Variants in NPR2 observed in about 807,000 individuals in gnomAD.
NPR2 encodes natriuretic peptide receptor 2, also known as atrial natriuretic peptide receptor 2.
NPR2 carries 49 observed loss-of-function variants against 120.7 expected under a neutral mutation model. That is an observed-to-expected ratio of 0.41 (90% CI 0.32 to 0.52). The LOEUF (loss-of-function observed/expected upper bound fraction) is 0.52. Ranked by LOEUF, NPR2 falls within the 20% of genes least tolerant of loss-of-function variation. NPR2 has a pLI of 0.36. For missense variants in NPR2, 931 were observed against 1,362.9 expected, an observed-to-expected ratio of 0.68 and a Z score of 4.99; for synonymous variants, 484 against 519.8, an observed-to-expected ratio of 0.93 and a Z score of 0.94.
At position 35,802,379 on chromosome 9, in the gene NPR2, T is replaced by C. The variant is rs558472662; in HGVS notation, c.1710+96T>C. 4.1e-6 allele frequency: 4 copies of C among 983,912 alleles called. No individual in the cohort carries two copies. The highest frequency in any genetic ancestry group is 4.9e-6 in the Non-Finnish European group (3 of 609,304). 60.9% of individuals were successfully genotyped at this position (983,912 alleles called of 1,614,324 possible). On this transcript the variant is annotated intron_variant, in intron 10 of 21. Coordinates refer to ENST00000342694, the MANE Select transcript of NPR2 (RefSeq NM_003995.4). This position sits in a 1 kb window ranked among gnomAD's most constrained non-coding sequence, Gnocchi z 4.2. ...TGGCTAGATGGGCAAGGGGTTGATT[T>C]ATAAATGATTTTAAAATCGTAGATA...
rs1828200246 is a variant in NPR2 at position 35,802,305 on chromosome 9, C to G, written c.1710+22C>G. The G allele has an allele frequency of 9.1e-6, 13 of 1,425,666 alleles. No individual in the cohort carries two copies. The highest frequency in any genetic ancestry group is 1.3e-5 in the Non-Finnish European group (13 of 1,010,218). 88.3% of individuals were successfully genotyped at this position (1,425,666 alleles called of 1,614,324 possible). ...ACATGTATGTAACAGAGGATGGACT[C>G]TAACATGTATGTAATGGAGGAGTGG... On this transcript the variant is annotated intron_variant, in intron 10 of 21. Coordinates refer to ENST00000342694, the MANE Select transcript of NPR2 (RefSeq NM_003995.4). This position sits in a 1 kb window ranked among gnomAD's most constrained non-coding sequence, Gnocchi z 4.2.
rs1828506108 is a variant in NPR2, at chr9:35,808,053, A to G, written c.2713-456A>G. The G allele has an allele frequency of 1.3e-6, 1 of 755,816 alleles. No homozygotes were observed. The highest frequency in any genetic ancestry group is 2.1e-5 in the Admixed American group (1 of 47,960). The allele number at this position is 755,816 out of a possible 1,614,324, so 46.8% of individuals were successfully genotyped here. On this transcript the variant is annotated intron_variant, in intron 18 of 21. Coordinates refer to ENST00000342694, the MANE Select transcript of NPR2 (RefSeq NM_003995.4). This position sits in a 1 kb window ranked among gnomAD's most constrained non-coding sequence, Gnocchi z 4.0. ...AAAAACTTCACTGTGTATTTCCTTA[A>G]AACAATGGCATTTATTCTCTTACAT...
In NPR2 at chr9:35,800,296, G is replaced by A. The variant is rs1339167883; in HGVS notation, c.1124-93G>A. ...AGAGTTGCCCACACCTCAAGATCGG[G>A]GAAGGGTAGACTCTGAGGGAGCCGT... is the stretch of plus-strand genomic sequence containing the variant. On this transcript the variant is annotated intron_variant, in intron 4 of 21. Transcript: ENST00000342694. This position sits in a 1 kb window ranked among gnomAD's most constrained non-coding sequence, Gnocchi z 4.7. 1 of 1,424,508 alleles carries A rather than the reference G, an allele frequency of 7.0e-7. No homozygotes were observed. Among genetic ancestry groups the A allele is most frequent in the East Asian group, 2.3e-5 (1 of 44,068 alleles). The allele number at this position is 1,424,508 out of a possible 1,614,324, so 88.2% of individuals were successfully genotyped here. A position where few individuals can be genotyped will look rare whatever the true frequency, so the allele number is the denominator to read the frequency against.
At chr9:35,793,809 G>A in intron 1 of NPR2, 89 bp from the exon 2 acceptor site, 2 of 1,311,932 alleles carry the variant, frequency 1.5e-6, no homozygotes, top group East Asian at 2.3e-5. Context: ...TCTTGCTGAA[G>A]AGGGACATCC....
At chr9:35,799,782 C>T (rs775916331) in intron 3 of NPR2, 51 bp downstream of exon 3, 14 of 1,500,294 alleles carry the variant, frequency 9.3e-6, no homozygotes, top group Non-Finnish European at 5.6e-6. Context: ...TGGGGAAGGG[C>T]TTCTCTCCCA....
Position 35,792,337 on chromosome 9 carries a change from G to T in NPR2, c.-72G>T. The stretch of plus-strand genomic sequence containing the variant: ...CTCTTCCCCAGGCTCCAGGCTGGGG[G>T]GTGCTCGCGTCTCCCCTGTAGGCCA... On this transcript the variant is annotated 5_prime_UTR_variant, in exon 1 of 22. Transcript: ENST00000342694. 1.3e-6 allele frequency: 2 copies of T among 1,501,864 alleles called. No individual in the cohort carries two copies. Among genetic ancestry groups the T allele is most frequent in the Non-Finnish European group, 1.8e-6 (2 of 1,114,014 alleles). The allele number at this position is 1,501,864 out of a possible 1,614,324, so 93.0% of individuals were successfully genotyped here.
In NPR2 at chr9:35,800,711, T is replaced by A; in HGVS notation, c.1221T>A (p.Pro407=). 6.2e-7 allele frequency: 1 copy of A among 1,614,160 alleles called. No homozygotes were observed. Among genetic ancestry groups the A allele is most frequent in the Non-Finnish European group, 8.5e-7 (1 of 1,180,012 alleles). The part of the protein sequence containing the change: ...MGDLDSGDFQ[P]AAHYSGAEKQ... The stretch of plus-strand genomic sequence containing the variant: ...CCCAGCTTTTTGCTTCCTTACAGCC[T>A]GCAGCCCACTACTCGGGAGCTGAGA... Residue 407 remains proline (P), a splice_region_variant and synonymous_variant, in exon 6 of 22, where the codon CCT becomes CCA. Coordinates refer to ENST00000342694, the MANE Select transcript of NPR2 (RefSeq NM_003995.4). This position sits in a 1 kb window ranked among gnomAD's most constrained non-coding sequence, Gnocchi z 4.7.
chr9:35,793,143 G>T, intron 1 of NPR2, 68 bp downstream of exon 1: 1 of 1,455,312 alleles, frequency 6.9e-7, no homozygotes, highest in South Asian at 1.3e-5. Flanking sequence ...GCTCAGCACT[G>T]GGGAACTGTA....
In NPR2 at chr9:35,805,651, C is replaced by T. The variant is rs1828341428; in HGVS notation, c.2028C>T (p.Asp676=). The T allele has an allele frequency of 1.9e-6, 3 of 1,614,104 alleles. No homozygotes were observed. The highest frequency in any genetic ancestry group is 3.4e-4 in the Middle Eastern group (2 of 5,960). ...TCCGATCAACTGCTGAACCTGATGA[C>T]AGCCATGCCCTCTATGCCAGTGAGG... The part of the protein sequence containing the change: ...ASFRSTAEPD[D]SHALYAKKLW... The change falls in exon 13 of 22, where the codon GAC becomes GAT. Residue 676 remains aspartate, a synonymous_variant. Coordinates refer to ENST00000342694, the MANE Select transcript of NPR2 (RefSeq NM_003995.4). The surrounding 1 kb of genome is among the most constrained non-coding windows in gnomAD (Gnocchi z 4.9).
At position 35,791,814 on chromosome 9, in the gene NPR2, A is replaced by T. The variant is rs1481663623; in HGVS notation, c.-595A>T. Among the ~76,000 whole-genome samples, 1 of 151,978 alleles carries T rather than the reference A, an allele frequency of 6.6e-6. No individual in the cohort carries two copies. The highest frequency in any genetic ancestry group is 1.5e-5 in the Non-Finnish European group (1 of 67,904). ...AGCGCCCGGGCCCGTTAGTCCAAGC[A>T]GGAGCTCCGGGAGAATCCTTCACAG... On this transcript the variant is annotated 5_prime_UTR_variant, in exon 1 of 22. Transcript: ENST00000342694.
intron 2 of NPR2, among the ~76,000 whole-genome samples, chr9:35,796,109 A>G (rs1254243134): frequency 6.6e-6 from 1 of 152,244 alleles, no homozygotes; most frequent in Non-Finnish European, 1.5e-5. Flanking sequence ...AGAGAAGAAC[A>G]AGGGGATTGT....
intron 2 of NPR2, among the ~76,000 whole-genome samples, chr9:35,797,793 C>G (rs1029199022): frequency 6.6e-6 from 1 of 151,950 alleles, no homozygotes; most frequent in East Asian, 1.9e-4. Flanking sequence ...CTAGTAACCA[C>G]AGCAAAAACA....
At chr9:35,807,938 G>A in intron 18 of NPR2, 2 of 536,396 alleles carry the variant, frequency 3.7e-6, no homozygotes, top group Non-Finnish European at 3.3e-6. Context: ...TAGATTCGTT[G>A]TATGGAAAGT....
Position 35,805,900 on chromosome 9 carries a change from C to A in NPR2, c.2118C>A (p.Asp706Glu). 1 of 1,614,082 alleles carries A rather than the reference C, an allele frequency of 6.2e-7. No homozygotes were observed. The highest frequency in any genetic ancestry group is 8.5e-7 in the Non-Finnish European group (1 of 1,179,898). The change falls in exon 14 of 22, where the codon GAC becomes GAA. Residue 706 changes from aspartate to glutamate, a missense_variant. Around this residue, in one of 3 missense-constraint regions of NPR2, gnomAD observed 681 missense variants for 974.3 expected, o/e 0.70. Coordinates refer to ENST00000342694, the MANE Select transcript of NPR2 (RefSeq NM_003995.4). The surrounding 1 kb of genome is among the most constrained non-coding windows in gnomAD (Gnocchi z 4.9). The part of the protein sequence containing the change: ...PLPTTGMQKA[D>E]VYSFGIILQE... Reference sequence around the variant, plus strand: ...CAACCACAGGCATGCAGAAGGCTGACGTCTATAGCTTTGGGATCATCCTGC... The same window carrying A: ...CAACCACAGGCATGCAGAAGGCTGAAGTCTATAGCTTTGGGATCATCCTGC...
At position 35,806,292 on chromosome 9, in the gene NPR2, G is replaced by A. The variant is rs1302291700; in HGVS notation, c.2372+59G>A. ...GGATAGAAGACTCATTAGTCCTAGT[G>A]CATGAAGTGGGGCAGGTGGGACCAG... On this transcript the variant is annotated intron_variant, in intron 15 of 21. Coordinates refer to ENST00000342694, the MANE Select transcript of NPR2 (RefSeq NM_003995.4). The surrounding 1 kb of genome is among the most constrained non-coding windows in gnomAD (Gnocchi z 4.6). 8.1e-6 allele frequency: 13 copies of A among 1,610,534 alleles called. No individual in the cohort carries two copies. Among genetic ancestry groups the A allele is most frequent in the African/African-American group, 2.7e-5 (2 of 74,844 alleles).
chr9:35,804,346 A>G (rs770987514), intron 12 of NPR2, among the ~76,000 whole-genome samples: 14 of 151,410 alleles, frequency 9.2e-5, no homozygotes, highest in Non-Finnish European at 1.9e-4. Context: ...TGATTCTCCC[A>G]TCTTAGCCTC....
Position 35,808,797 on chromosome 9 carries a change from A to T in NPR2, c.2930A>T (p.Tyr977Phe). 2 of 1,613,794 alleles carry T rather than the reference A, an allele frequency of 1.2e-6. No individual in the cohort carries two copies. Among genetic ancestry groups the T allele is most frequent in the Non-Finnish European group, 1.7e-6 (2 of 1,179,712 alleles). Residue 977 changes from tyrosine (Y) to phenylalanine (F), a missense_variant, in exon 20 of 22, where the codon TAT becomes TTT. Transcript: ENST00000342694. The surrounding 1 kb of genome is among the most constrained non-coding windows in gnomAD (Gnocchi z 4.0). ...GTTGTTGGCCTGAAGATGCCCCGTT[A>T]TTGTCTTTTTGGAGACACAGTGAAC... is the stretch of plus-strand genomic sequence containing the variant. ...AGVVGLKMPRYCLFGDTVNTA... is the reference protein window; with the variant it reads ...AGVVGLKMPRFCLFGDTVNTA...
chr9:35,801,555 G>A, intron 7 of NPR2, 88 bp from the exon 8 acceptor site: 1 of 1,410,998 alleles, frequency 7.1e-7, no homozygotes, highest in East Asian at 2.3e-5. Context: ...AGCTTCAGGA[G>A]CTGCAGGGAA....
In NPR2 at chr9:35,809,343, C is replaced by T. The variant is rs118024515; in HGVS notation, c.3079-37C>T. 112 of 1,612,902 alleles carry T rather than the reference C, an allele frequency of 6.9e-5. No individual in the cohort carries two copies. Among genetic ancestry groups the T allele is most frequent in the Non-Finnish European group, 8.9e-5 (105 of 1,178,994 alleles). On this transcript the variant is annotated intron_variant, in intron 21 of 21. Coordinates refer to ENST00000342694, the MANE Select transcript of NPR2 (RefSeq NM_003995.4). The surrounding 1 kb of genome is among the most constrained non-coding windows in gnomAD (Gnocchi z 4.1). ...GAGAGGGAGACAAAGGGACTAACAT[C>T]GAAGCATCTGAATCATGTCCACTCT...
Sources: allele counts gnomAD v4.1 joint callset (sites outside exome capture counted in the v4.1 genomes callset), GRCh38; gene constraint gnomAD v4.1.1; regional missense constraint gnomAD v4.1.1; non-coding constraint Gnocchi (gnomAD v3.1); transcripts MANE v1.5; gene names NCBI Gene and HGNC (gene_info 2026-07-23, HGNC 2026-07-21).